Variants in CFAP299 observed in about 807,000 individuals in gnomAD.
The protein encoded by CFAP299 is cilia and flagella associated protein 299, also known as cilia- and flagella-associated protein 299.
A neutral mutation model predicts 27.0 loss-of-function variants in CFAP299; 21 were observed. The observed-to-expected ratio is 0.78, with a 90% CI of 0.55 to 1.12. The LOEUF (loss-of-function observed/expected upper bound fraction) is 1.12, where lower values mean the gene tolerates loss of function less well. Ranked by LOEUF, CFAP299 falls within the 50% of genes most tolerant of loss-of-function variation. The probability of loss-of-function intolerance (pLI) is 0.00; values close to 1 mark genes in which losing one functional copy is unlikely to be tolerated. For synonymous variants in CFAP299, 104 were observed against 98.1 expected, an observed-to-expected ratio of 1.06 and a Z score of -0.36; for missense variants, 310 against 276.6, an observed-to-expected ratio of 1.12 and a Z score of -0.86.
chr4:80,689,064 G>C (rs1176590256), intron 3 of CFAP299, among the ~76,000 whole-genome samples: 3 of 152,222 alleles, frequency 2.0e-5, no homozygotes, highest in Admixed American at 1.3e-4. Context: ...ATATACGTCT[G>C]ATTGGTGTAC....
chr4:80,914,436 T>C lies in CFAP299; in HGVS notation c.477-30374T>C, dbSNP rs778468948. On this transcript the variant is annotated intron_variant, in intron 4 of 5. Transcript: ENST00000358105. The stretch of plus-strand genomic sequence containing the variant: ...ATTTGGGGCCAGATAATTTTTGTCC[T>C]GTGCATTGTAGGATATTTAGCAATA... Among the ~76,000 whole-genome samples the C allele has an allele frequency of 1.8e-3, 274 of 152,294 alleles. 2 individuals carry two copies. Among genetic ancestry groups the C allele is most frequent in the Non-Finnish European group, 3.2e-3 (217 of 68,012 alleles).
Position 80,847,141 on chromosome 4 carries a change from A to T in CFAP299, c.334-22852A>T, listed in dbSNP as rs150831556. On this transcript the variant is annotated intron_variant, in intron 3 of 5. Transcript: ENST00000358105. ...TTCATGTCCAGATGCTTGGGTACAGATCCCAGCATCATGACTGACAATTCC... is the reference window on the plus strand; with the variant it reads ...TTCATGTCCAGATGCTTGGGTACAGTTCCCAGCATCATGACTGACAATTCC... Among the ~76,000 whole-genome samples, 139 of 152,252 alleles carry T rather than the reference A, an allele frequency of 9.1e-4. 1 individual carries two copies. The highest frequency in any genetic ancestry group is 3.2e-3 in the African/African-American group (132 of 41,542).
At chr4:80,710,537 A>G (rs1722096095) in intron 3 of CFAP299, among the ~76,000 whole-genome samples, 1 of 144,574 alleles carries the variant, frequency 6.9e-6, no homozygotes, top group Non-Finnish European at 1.5e-5. Context: ...CAAGCATTAC[A>G]GATTGATGGC....
chr4:80,674,760 A>T (rs1048497151), intron 3 of CFAP299, among the ~76,000 whole-genome samples: 10 of 151,398 alleles, frequency 6.6e-5, no homozygotes, highest in South Asian at 2.1e-4. Flanking sequence ...CTCTTGCTTT[A>T]TTTTATTAAT....
chr4:80,599,221 C>G (rs1737208288), intron 3 of CFAP299, among the ~76,000 whole-genome samples: 1 of 152,196 alleles, frequency 6.6e-6, no homozygotes, highest in African/African-American at 2.4e-5. Context: ...GATATCTAAT[C>G]TCTACGTCTG....
intron 2 of CFAP299, among the ~76,000 whole-genome samples, chr4:80,523,284 T>C (rs961374774): frequency 3.9e-5 from 6 of 152,222 alleles, no homozygotes; most frequent in African/African-American, 1.4e-4. Context: ...CCTTTTGGAT[T>C]GTTTGTTGCT....
chr4:80,925,406 AG>A (rs968455173), intron 4 of CFAP299, among the ~76,000 whole-genome samples: 4 of 151,984 alleles, frequency 2.6e-5, no homozygotes, highest in African/African-American at 9.7e-5. Flanking sequence ...TTTAGTCTCC[AG>A]TGGGGTGTCT....
intron 3 of CFAP299, among the ~76,000 whole-genome samples, chr4:80,736,877 T>G (rs1286375869): frequency 6.6e-6 from 1 of 152,114 alleles, no homozygotes; most frequent in Non-Finnish European, 1.5e-5. Flanking sequence ...TGTTTATTGC[T>G]GCATTATTCA....
At chr4:80,712,576 CA>C (rs1722239395) in intron 3 of CFAP299, among the ~76,000 whole-genome samples, 2 of 151,984 alleles carry the variant, frequency 1.3e-5, no homozygotes, top group African/African-American at 4.8e-5. Flanking sequence ...CTGTATAATC[CA>C]AAATTAAGAA....
At chr4:80,362,575 T>C (rs981061480) in intron 1 of CFAP299, among the ~76,000 whole-genome samples, 179 bp from the exon 2 acceptor site, 2 of 152,132 alleles carry the variant, frequency 1.3e-5, no homozygotes, top group Admixed American at 6.5e-5. Flanking sequence ...TGTATAAATG[T>C]ATTATTAGAA....
intron 2 of CFAP299, among the ~76,000 whole-genome samples, chr4:80,447,326 G>C (rs1226788869): frequency 2.7e-5 from 4 of 150,394 alleles, no homozygotes; most frequent in Non-Finnish European, 5.9e-5. Context: ...TAGTAGAGAC[G>C]GGGTTTCACC....
At chr4:80,493,968 G>T (rs1457243863) in intron 2 of CFAP299, among the ~76,000 whole-genome samples, 3 of 151,158 alleles carry the variant, frequency 2.0e-5, no homozygotes, top group African/African-American at 7.3e-5. Context: ...GTAGAGACGG[G>T]GTTTCACCTT....
chr4:80,860,509 C>A (rs532513862), intron 3 of CFAP299, among the ~76,000 whole-genome samples: 51 of 152,254 alleles, frequency 3.3e-4, no homozygotes, highest in Middle Eastern at 3.4e-3. Context: ...GCCATTTTTT[C>A]TGCTCTGTTT....
chr4:80,533,102 G>C (rs1733556683), intron 2 of CFAP299, among the ~76,000 whole-genome samples: 1 of 152,112 alleles, frequency 6.6e-6, no homozygotes, highest in South Asian at 2.1e-4. Flanking sequence ...CATTTGAAAA[G>C]ATTTTCCCCT....
At chr4:80,910,692 G>T (rs530685968) in intron 4 of CFAP299, among the ~76,000 whole-genome samples, 20 of 151,750 alleles carry the variant, frequency 1.3e-4, no homozygotes, top group African/African-American at 4.6e-4. Flanking sequence ...GGTGGAAGCA[G>T]AAAAAAATGA....
intron 2 of CFAP299, among the ~76,000 whole-genome samples, chr4:80,579,690 CCAGGAATAGTTATAACAA>C (rs1190932624): frequency 6.6e-6 from 1 of 151,876 alleles, no homozygotes; most frequent in Admixed American, 6.6e-5. Flanking sequence ...AGATCCACTT[CCAGGAATAGTTATAACAA>C]CAGCAATAAA....
In CFAP299 at chr4:80,679,729, A is replaced by G. The variant is rs116810002; in HGVS notation, c.333+96546A>G. 5.3e-3 allele frequency among the ~76,000 whole-genome samples: 734 copies of G among 139,266 alleles called. 10 individuals carry two copies. The highest frequency in any genetic ancestry group is 0.018 in the African/African-American group (702 of 38,606). The allele number at this position is 139,266 out of a possible 152,430, so 91.4% of individuals were successfully genotyped here. On this transcript the variant is annotated intron_variant, in intron 3 of 5. Coordinates refer to ENST00000358105, the MANE Select transcript of CFAP299 (RefSeq NM_152770.3). ...TATCTGAACTCCCATTTTAGTGAAT[A>G]ATCTGTGTGTGGGTTTTTTTTTTTT... is the stretch of plus-strand genomic sequence containing the variant.
At chr4:80,799,542 CAT>C (rs374249719) in intron 3 of CFAP299, among the ~76,000 whole-genome samples, 2,164 of 62,492 alleles carry the variant, frequency 0.035, 94 homozygotes, top group East Asian at 0.13. Context: ...ATATTTAATA[CAT>C]ATATATAATA....
chr4:80,677,590 CATT>C (rs1343130998), intron 3 of CFAP299, among the ~76,000 whole-genome samples: 2 of 151,942 alleles, frequency 1.3e-5, no homozygotes, highest in African/African-American at 4.8e-5. Flanking sequence ...CAAATCATAT[CATT>C]ATGATACAAT....
Sources: gnomAD v4.1 joint callset for allele counts (sites outside exome capture counted in the v4.1 genomes callset) on GRCh38, gnomAD v4.1.1 for gene constraint, MANE v1.5 for transcripts, NCBI Gene and HGNC (gene_info 2026-07-23, HGNC 2026-07-21) for gene names.